Variants in EPHA6 observed in about 807,000 individuals in gnomAD.
EPHA6 encodes the protein ephrin type-A receptor 6.
Under a neutral mutation model 112.0 loss-of-function variants are expected in EPHA6, and 50 were observed. That is an observed-to-expected ratio of 0.45 (90% CI 0.36 to 0.56). The LOEUF is 0.56. Ranked by LOEUF, EPHA6 falls within the 20% of genes least tolerant of loss-of-function variation. The pLI, the probability that EPHA6 is intolerant of heterozygous loss-of-function variation, is 0.00. For missense variants in EPHA6, 1,280 were observed against 1,417.4 expected, an observed-to-expected ratio of 0.90 and a Z score of 1.56; for synonymous variants, 529 against 490.7, an observed-to-expected ratio of 1.08 and a Z score of -1.03.
At chr3:97,735,067 T>C (rs986603798) in intron 15 of EPHA6, among the ~76,000 whole-genome samples, 1 of 152,074 alleles carries the variant, frequency 6.6e-6, no homozygotes, top group Non-Finnish European at 1.5e-5. Context: ...CACTGTTCCA[T>C]AGAGTAGCCA....
chr3:97,314,697 T>C (rs1248389127), intron 5 of EPHA6, among the ~76,000 whole-genome samples: 2 of 151,486 alleles, frequency 1.3e-5, no homozygotes, highest in African/African-American at 4.8e-5. Flanking sequence ...ACAAATTAAG[T>C]AGAAGAAAGA....
intron 5 of EPHA6, among the ~76,000 whole-genome samples, chr3:97,294,054 C>T (rs941579967): frequency 6.6e-6 from 1 of 152,180 alleles, no homozygotes; most frequent in Non-Finnish European, 1.5e-5. Context: ...AGGGGGAGGC[C>T]AGGGAGCAGG....
At chr3:97,347,312 C>T (rs115266096) in intron 5 of EPHA6, among the ~76,000 whole-genome samples, 3,072 of 152,058 alleles carry the variant, frequency 0.02, 99 homozygotes, top group African/African-American at 0.069. Flanking sequence ...TTTCAGTATT[C>T]AGATATATTC....
intron 3 of EPHA6, among the ~76,000 whole-genome samples, chr3:97,023,490 A>G (rs1006385805): frequency 2.0e-5 from 3 of 151,876 alleles, no homozygotes; most frequent in African/African-American, 4.8e-5. Context: ...ATTTATTTTT[A>G]TCTTTATAAT....
At position 97,750,146 on chromosome 3, in the gene EPHA6, G is replaced by A. The variant is rs1436310282; in HGVS notation, c.*1445G>A. Reference sequence around the variant, plus strand: ...AATGACGACTGTTTTAGGTGAAAGAGTAAGTAAAATGTGTTGAGAGAAAAA... The same window carrying A: ...AATGACGACTGTTTTAGGTGAAAGAATAAGTAAAATGTGTTGAGAGAAAAA... On this transcript the variant is annotated 3_prime_UTR_variant, in exon 18 of 18. Transcript: ENST00000389672. Among the ~76,000 whole-genome samples, 1 of 152,110 alleles carries A rather than the reference G, an allele frequency of 6.6e-6. No individual in the cohort carries two copies. Among genetic ancestry groups the A allele is most frequent in the Non-Finnish European group, 1.5e-5 (1 of 68,018 alleles).
intron 3 of EPHA6, among the ~76,000 whole-genome samples, chr3:97,035,434 T>C (rs2041548351): frequency 6.6e-6 from 1 of 151,956 alleles, no homozygotes; most frequent in Non-Finnish European, 1.5e-5. Context: ...TAGTGCCCTC[T>C]TATCATTCTT....
intron 5 of EPHA6, among the ~76,000 whole-genome samples, chr3:97,357,276 G>A (rs376323565): frequency 2.6e-4 from 40 of 151,928 alleles, no homozygotes; most frequent in African/African-American, 8.9e-4. Context: ...ATGTGATCTC[G>A]GCTCACTGCA....
intron 11 of EPHA6, among the ~76,000 whole-genome samples, chr3:97,551,172 T>G (rs973096454): frequency 3.9e-4 from 60 of 152,276 alleles, no homozygotes; most frequent in African/African-American, 1.4e-3. Flanking sequence ...AGAATCAACT[T>G]GAAAGTAAGA....
At chr3:96,921,655 G>A (rs6765034) in intron 2 of EPHA6, among the ~76,000 whole-genome samples, 18,141 of 150,574 alleles carry the variant, frequency 0.12, 2,033 homozygotes, top group African/African-American at 0.25. Flanking sequence ...TGCAACCTCC[G>A]CCTCTGGATT....
intron 2 of EPHA6, among the ~76,000 whole-genome samples, chr3:96,947,978 A>G (rs941935030): frequency 3.3e-5 from 5 of 152,136 alleles, no homozygotes; most frequent in Admixed American, 6.6e-5. Flanking sequence ...TGGAGGCATC[A>G]CGCTACCTGA....
rs138908591 is a variant in EPHA6, at chr3:97,074,484, A to G, written c.1114+86491A>G. Among the ~76,000 whole-genome samples, 884 of 152,046 alleles carry G rather than the reference A, an allele frequency of 5.8e-3. 10 individuals carry two copies. The highest frequency in any genetic ancestry group is 0.01 in the Non-Finnish European group (690 of 67,886). On this transcript the variant is annotated intron_variant, in intron 3 of 17. Coordinates refer to ENST00000389672, the MANE Select transcript of EPHA6 (RefSeq NM_001080448.3). ...TCTGTTCATTTTAAAATGGTGGTTTAATTAGCAATGTTTTAATTTTTTTAA... is the reference window on the plus strand; with the variant it reads ...TCTGTTCATTTTAAAATGGTGGTTTGATTAGCAATGTTTTAATTTTTTTAA...
At position 97,650,713 on chromosome 3, in the gene EPHA6, AAT is replaced by A. The variant is rs372434002; in HGVS notation, c.2784+12634_2784+12635del. ...CATGTAATAAGCCTTTTGTCTCTTC[AAT>A]ATGTGTTTTAAAGAAGAGGACTCTA... On this transcript the variant is annotated intron_variant, in intron 14 of 17. Transcript: ENST00000389672. 2.1e-3 allele frequency among the ~76,000 whole-genome samples: 322 copies of A among 151,986 alleles called. 1 individual carries two copies. Among genetic ancestry groups the A allele is most frequent in the African/African-American group, 7.1e-3 (294 of 41,476 alleles).
At chr3:97,384,868 C>T (rs1164203342) in intron 5 of EPHA6, among the ~76,000 whole-genome samples, 1 of 152,066 alleles carries the variant, frequency 6.6e-6, no homozygotes, top group African/African-American at 2.4e-5. Flanking sequence ...GTTAAACCCA[C>T]ACTAAGTTTG....
At chr3:97,703,880 C>G (rs1488188711) in intron 14 of EPHA6, among the ~76,000 whole-genome samples, 2 of 152,056 alleles carry the variant, frequency 1.3e-5, no homozygotes, top group Non-Finnish European at 2.9e-5. Flanking sequence ...TAAAAAACAA[C>G]CTTTCTGAGT....
chr3:97,630,444 T>A (rs1273082683), intron 13 of EPHA6, among the ~76,000 whole-genome samples: 1 of 152,016 alleles, frequency 6.6e-6, no homozygotes, highest in East Asian at 1.9e-4. Flanking sequence ...ACATTTCTTT[T>A]TCAAATTCAA....
intron 11 of EPHA6, among the ~76,000 whole-genome samples, chr3:97,581,044 G>A (rs575847578): frequency 4.9e-4 from 74 of 152,300 alleles, no homozygotes; most frequent in South Asian, 2.1e-3. Context: ...CCCTAGCTAT[G>A]TGCCTCCCTT....
chr3:96,924,601 C>T (rs184108203), intron 2 of EPHA6, among the ~76,000 whole-genome samples: 6 of 151,950 alleles, frequency 3.9e-5, no homozygotes, highest in African/African-American at 7.2e-5. Flanking sequence ...AAAGATAGTT[C>T]GACTTCCTCT....
Position 97,073,932 on chromosome 3 carries a change from TG to T in EPHA6, c.1114+85940del, listed in dbSNP as rs536449422. Among the ~76,000 whole-genome samples, 193 of 152,172 alleles carry T rather than the reference TG, an allele frequency of 1.3e-3. 1 individual carries two copies. The highest frequency in any genetic ancestry group is 3.7e-3 in the African/African-American group (154 of 41,572). ...ACATTTATTTGAATCCTAGAAAAGTTGTATATTTTTAACGTGTTTATTGGCC... is the reference window on the plus strand; with the variant it reads ...ACATTTATTTGAATCCTAGAAAAGTTTATATTTTTAACGTGTTTATTGGCC... On this transcript the variant is annotated intron_variant, in intron 3 of 17. Coordinates refer to ENST00000389672, the MANE Select transcript of EPHA6 (RefSeq NM_001080448.3).
chr3:96,942,839 A>C (rs566588317), intron 2 of EPHA6, among the ~76,000 whole-genome samples: 41 of 152,098 alleles, frequency 2.7e-4, no homozygotes, highest in Non-Finnish European at 4.6e-4. Context: ...GAACTCTGGG[A>C]TACAAACCAG....
Sources: gnomAD v4.1 joint callset for allele counts (sites outside exome capture counted in the v4.1 genomes callset) on GRCh38, gnomAD v4.1.1 for gene constraint, MANE v1.5 for transcripts, NCBI Gene and HGNC (gene_info 2026-07-23, HGNC 2026-07-21) for gene names.